Variants in SLC5A1 observed in about 807,000 individuals in gnomAD.
The protein encoded by SLC5A1 is solute carrier family 5 member 1.
A neutral mutation model predicts 73.5 loss-of-function variants in SLC5A1; 42 were observed. The observed-to-expected ratio is 0.57, with a 90% CI of 0.45 to 0.74. The LOEUF is 0.74. Ranked by LOEUF, SLC5A1 falls within the 30% of genes least tolerant of loss-of-function variation. The probability of loss-of-function intolerance (pLI) is 0.00; values close to 1 mark genes in which losing one functional copy is unlikely to be tolerated. For missense variants in SLC5A1, 634 were observed against 855.4 expected, an observed-to-expected ratio of 0.74 and a Z score of 3.23; for synonymous variants, 300 against 317.4, an observed-to-expected ratio of 0.95 and a Z score of 0.58.
Position 32,081,883 on chromosome 22 carries a change from G to T in SLC5A1, c.495G>T (p.Gly165=), listed in dbSNP as rs768556271. Residue 165 remains glycine, a synonymous_variant, in exon 6 of 15, where the codon GGG becomes GGT. Transcript: ENST00000266088. The part of the protein sequence containing the change: ...FTKISADIFS[G]AIFINLALGL... ...CCTTCCAGGCAGACATCTTCTCGGG[G>T]GCCATATTCATCAATCTGGCCTTAG... is the stretch of plus-strand genomic sequence containing the variant. The T allele has an allele frequency of 1.9e-6, 3 of 1,612,862 alleles. No individual in the cohort carries two copies. In the African/African-American group the frequency reaches 4.0e-5, roughly 22 times the overall value.
intron 5 of SLC5A1, 65 bp downstream of exon 5, chr22:32,068,665 GC>G: frequency 9.0e-7 from 1 of 1,112,344 alleles, no homozygotes; most frequent in Non-Finnish European, 1.4e-6. Flanking sequence ...CTCATCACAT[GC>G]TGCCCACCAA....
In SLC5A1 at chr22:32,110,273, C is replaced by A; in HGVS notation, c.*60C>A. 1 of 1,334,182 alleles carries A rather than the reference C, an allele frequency of 7.5e-7. No individual in the cohort carries two copies. The highest frequency in any genetic ancestry group is 1.2e-5 in the South Asian group (1 of 84,502). The allele number at this position is 1,334,182 out of a possible 1,614,324, so 82.6% of individuals were successfully genotyped here. A position where few individuals can be genotyped will look rare whatever the true frequency, so the allele number is the denominator to read the frequency against. The stretch of plus-strand genomic sequence containing the variant: ...ACTCTTACTCACCTTCCTTTAGTCT[C>A]GTCCTGTGGTGTTGAAGGGAAATCA... On this transcript the variant is annotated 3_prime_UTR_variant, in exon 15 of 15. Coordinates refer to ENST00000266088, the MANE Select transcript of SLC5A1 (RefSeq NM_000343.4).
intron 2 of SLC5A1, among the ~76,000 whole-genome samples, chr22:32,053,768 A>T (rs1277233898): frequency 1.3e-5 from 2 of 152,242 alleles, no homozygotes; most frequent in Non-Finnish European, 2.9e-5. Flanking sequence ...AATTCGTTGT[A>T]TTATTCATAT....
Position 32,099,330 on chromosome 22 carries a change from C to G in SLC5A1, c.1428C>G (p.Phe476Leu), listed in dbSNP as rs753632204. 1 of 1,613,026 alleles carries G rather than the reference C, an allele frequency of 6.2e-7. No homozygotes were observed. Among genetic ancestry groups the G allele is most frequent in the Admixed American group, 1.7e-5 (1 of 59,970 alleles). The change falls in exon 12 of 15, where the codon TTC becomes TTG. Residue 476 changes from phenylalanine to leucine, a missense_variant. Around this residue, in one of 3 missense-constraint regions of SLC5A1, gnomAD observed 422 missense variants for 626.1 expected, o/e 0.67. Coordinates refer to ENST00000266088, the MANE Select transcript of SLC5A1 (RefSeq NM_000343.4). The part of the protein sequence containing the change: ...PIAAVFLLAI[F>L]WKRVNEPGAF... ...CGGCTGTCTTCCTGCTTGCTATTTT[C>G]TGGAAGAGAGTCAATGAGCCAGTAG...
At chr22:32,045,492 CT>C (rs2093935973) in intron 1 of SLC5A1, among the ~76,000 whole-genome samples, 1 of 152,146 alleles carries the variant, frequency 6.6e-6, no homozygotes, top group Non-Finnish European at 1.5e-5. Context: ...GCAAGAGTGG[CT>C]TGATTCAGGG....
chr22:32,046,648 CT>C (rs1227424296), intron 1 of SLC5A1, among the ~76,000 whole-genome samples: 3 of 152,206 alleles, frequency 2.0e-5, no homozygotes, highest in African/African-American at 7.2e-5. Flanking sequence ...ACAGGCCACA[CT>C]TGAGGCTTCT....
At position 32,110,947 on chromosome 22, in the gene SLC5A1, T is replaced by A. The variant is rs1332389055; in HGVS notation, c.*734T>A. The A allele has an allele frequency of 1.3e-5, 2 of 153,260 alleles. No homozygotes were observed. The highest frequency in any genetic ancestry group is 4.8e-5 in the African/African-American group (2 of 41,460). 9.5% of individuals were successfully genotyped at this position (153,260 alleles called of 1,614,324 possible). ...GTTTGGGATTCCACTCATTTTGGCA[T>A]TCACAGTGCCTGGAATGTCTTAGAT... On this transcript the variant is annotated 3_prime_UTR_variant, in exon 15 of 15. Coordinates refer to ENST00000266088, the MANE Select transcript of SLC5A1 (RefSeq NM_000343.4).
intron 5 of SLC5A1, among the ~76,000 whole-genome samples, chr22:32,081,353 G>C (rs568769796): frequency 5.9e-5 from 9 of 152,178 alleles, no homozygotes; most frequent in Non-Finnish European, 1.2e-4. Flanking sequence ...GACTGCATCC[G>C]GGTTGGGGAG....
chr22:32,056,437 C>CTTTTTTT, intron 2 of SLC5A1, among the ~76,000 whole-genome samples: 2 of 121,608 alleles, frequency 1.6e-5, no homozygotes, highest in Non-Finnish European at 1.7e-5. Context: ...ACCTTCCTGT[C>CTTTTTTT]TTTTTTTTTT....
chr22:32,078,708 A>C (rs1018548973), intron 5 of SLC5A1, among the ~76,000 whole-genome samples: 1 of 152,028 alleles, frequency 6.6e-6, no homozygotes, highest in Non-Finnish European at 1.5e-5. Flanking sequence ...TAATCCCAGT[A>C]GTTTGGGAGG....
At chr22:32,067,137 C>T (rs2093974827) in intron 3 of SLC5A1, 98 bp downstream of exon 3, 4 of 992,314 alleles carry the variant, frequency 4.0e-6, no homozygotes, top group Non-Finnish European at 6.3e-6. Context: ...TGTTAGGGAA[C>T]CCTTCAGGGT....
chr22:32,071,703 G>C lies in SLC5A1; in HGVS notation c.477+3103G>C, dbSNP rs543447671. 1.3e-5 allele frequency among the ~76,000 whole-genome samples: 2 copies of C among 151,970 alleles called. 1 individual carries two copies. Among genetic ancestry groups the C allele is most frequent in the Admixed American group, 1.3e-4 (2 of 15,254 alleles). On this transcript the variant is annotated intron_variant, in intron 5 of 14. Coordinates refer to ENST00000266088, the MANE Select transcript of SLC5A1 (RefSeq NM_000343.4). ...CTCTCTTGTTGTTCTCCCCTATCCA[G>C]CACCAAAGGCGAGATTGGTCCAATC...
intron 5 of SLC5A1, among the ~76,000 whole-genome samples, chr22:32,071,423 C>T (rs2093982645): frequency 1.3e-5 from 2 of 152,086 alleles, no homozygotes; most frequent in Admixed American, 1.3e-4. Context: ...GCACTCCAGC[C>T]TGGGTGACAT....
intron 2 of SLC5A1, among the ~76,000 whole-genome samples, chr22:32,060,965 A>G (rs2093961591): frequency 6.6e-6 from 1 of 152,152 alleles, no homozygotes; most frequent in South Asian, 2.1e-4. Context: ...GTGGCTTTCA[A>G]TACACTCTAG....
At chr22:32,060,130 C>CACAT (rs1555962052) in intron 2 of SLC5A1, among the ~76,000 whole-genome samples, 5 of 70,390 alleles carry the variant, frequency 7.1e-5, no homozygotes, top group African/African-American at 1.7e-4. Flanking sequence ...TACATACACA[C>CACAT]ATATATATAC....
At chr22:32,064,201 A>T (rs1252455901) in intron 2 of SLC5A1, among the ~76,000 whole-genome samples, 4 of 152,154 alleles carry the variant, frequency 2.6e-5, no homozygotes, top group Non-Finnish European at 5.9e-5. Flanking sequence ...TTTTGATTAA[A>T]AGTGGACTGT....
rs573484076 is a variant in SLC5A1 at position 32,068,131 on chromosome 22, C to A, written c.372+105C>A. 2.6e-5 allele frequency: 29 copies of A among 1,133,478 alleles called. No individual in the cohort carries two copies. In the East Asian group the frequency reaches 6.3e-4, roughly 25 times the overall value. The allele number at this position is 1,133,478 out of a possible 1,614,324, so 70.2% of individuals were successfully genotyped here. A position where few individuals can be genotyped will look rare whatever the true frequency, so the allele number is the denominator to read the frequency against. ...ATTATGGGATAAATGGCAGAAAAATCTGTGGATTGGCTTTCACTCCCAGGT... is the reference window on the plus strand; with the variant it reads ...ATTATGGGATAAATGGCAGAAAAATATGTGGATTGGCTTTCACTCCCAGGT... On this transcript the variant is annotated intron_variant, in intron 4 of 14. Transcript: ENST00000266088.
At chr22:32,099,413 T>A in intron 12 of SLC5A1, 62 bp downstream of exon 12, 1 of 1,443,900 alleles carries the variant, frequency 6.9e-7, no homozygotes, top group Admixed American at 1.7e-5. Context: ...CATGTGGGTT[T>A]GCATATTCTC....
intron 2 of SLC5A1, among the ~76,000 whole-genome samples, chr22:32,060,096 CATAT>C (rs1277521843): frequency 6.7e-6 from 1 of 149,074 alleles, no homozygotes; most frequent in Non-Finnish European, 1.5e-5. Flanking sequence ...TATACACACA[CATAT>C]ATATACACAC....
Sources: gnomAD v4.1 joint callset for allele counts (sites outside exome capture counted in the v4.1 genomes callset) on GRCh38, gnomAD v4.1.1 for gene constraint, gnomAD v4.1.1 regional missense constraint, MANE v1.5 for transcripts, NCBI Gene and HGNC (gene_info 2026-07-23, HGNC 2026-07-21) for gene names.